The following TTC8 variants were observed in gnomAD, a reference collection of about 807,000 sequenced individuals.
TTC8 encodes tetratricopeptide repeat protein 8.
Under a neutral mutation model 72.5 loss-of-function variants are expected in TTC8, and 47 were observed. The ratio of observed to expected loss-of-function variants is 0.65; its 90% CI spans 0.51 to 0.83. The LOEUF is 0.83. TTC8 is among the 40% of genes least tolerant of loss of function. The pLI, the probability that TTC8 is intolerant of heterozygous loss-of-function variation, is 0.00. For synonymous variants in TTC8, 199 were observed against 221.4 expected, an observed-to-expected ratio of 0.90 and a Z score of 0.90; for missense variants, 611 against 623.2, an observed-to-expected ratio of 0.98 and a Z score of 0.21.
intron 1 of TTC8, among the ~76,000 whole-genome samples, chr14:88,831,859 C>G (rs2094727425): frequency 6.6e-6 from 1 of 152,194 alleles, no homozygotes; most frequent in Non-Finnish European, 1.5e-5. Context: ...TCCCCCTTCT[C>G]TGACTCTCTT....
At chr14:88,839,091 G>A (rs999527877) in intron 2 of TTC8, among the ~76,000 whole-genome samples, 3 of 152,168 alleles carry the variant, frequency 2.0e-5, no homozygotes, top group Non-Finnish European at 4.4e-5. Flanking sequence ...TGACCTTGAA[G>A]GAGGAAGGCA....
chr14:88,861,435 C>A, intron 10 of TTC8, 103 bp downstream of exon 10: 1 of 825,938 alleles, frequency 1.2e-6, no homozygotes, highest in Non-Finnish European at 2.0e-6. Context: ...GTGTAATGAT[C>A]AAATCAGGGT....
chr14:88,851,236 G>T (rs1378123832), intron 7 of TTC8, among the ~76,000 whole-genome samples: 1 of 152,124 alleles, frequency 6.6e-6, no homozygotes, highest in African/African-American at 2.4e-5. Context: ...GAGAAAAAAA[G>T]GTCAGAGTTC....
chr14:88,853,058 TA>T lies in TTC8; in HGVS notation c.710+5del. 6.2e-7 allele frequency: 1 copy of T among 1,609,288 alleles called. No individual in the cohort carries two copies. Among genetic ancestry groups the T allele is most frequent in the Non-Finnish European group, 8.5e-7 (1 of 1,175,972 alleles). On this transcript the variant is annotated splice_donor_region_variant and intron_variant, in intron 8 of 14. Transcript: ENST00000380656. ...ACAGATTGGAAAATGTTACTACAGG[TA>T]AATTTCATTATTTGTGAAGGGCTTA...
chr14:88,830,065 A>G (rs1424088901), intron 1 of TTC8, among the ~76,000 whole-genome samples: 2 of 152,144 alleles, frequency 1.3e-5, no homozygotes, highest in Non-Finnish European at 2.9e-5. Flanking sequence ...CAATTCCTCT[A>G]TTCTCTTAAA....
chr14:88,828,624 AGTTTTT>A (rs2094712517), intron 1 of TTC8, among the ~76,000 whole-genome samples: 2 of 152,078 alleles, frequency 1.3e-5, no homozygotes, highest in Non-Finnish European at 2.9e-5. Context: ...TACAAAAGAT[AGTTTTT>A]GTTTTTAATA....
chr14:88,858,754 ATTTTT>A (rs138871136), intron 9 of TTC8, among the ~76,000 whole-genome samples: 43 of 86,904 alleles, frequency 4.9e-4, no homozygotes, highest in East Asian at 3.2e-3. Context: ...TGCCTGGATA[ATTTTT>A]TTTTTTTTTT....
intron 2 of TTC8, chr14:88,833,974 C>A: frequency 1.5e-5 from 8 of 519,558 alleles, no homozygotes; most frequent in South Asian, 2.3e-5. Context: ...ATGGAAATGA[C>A]CAAGATGGAT....
In TTC8 at chr14:88,848,424, T is replaced by C. The variant is rs549604289; in HGVS notation, c.625-4547T>C. 2.6e-3 allele frequency among the ~76,000 whole-genome samples: 392 copies of C among 152,292 alleles called. 2 individuals are homozygous for C. Among genetic ancestry groups the C allele is most frequent in the African/African-American group, 9.1e-3 (379 of 41,566 alleles). On this transcript the variant is annotated intron_variant, in intron 7 of 14. Transcript: ENST00000380656. Reference sequence around the variant, plus strand: ...AAACAATATGATAATATAGAGCAGATAGCCTTAAAGATAGTTCCTCAATTT... The same window carrying C: ...AAACAATATGATAATATAGAGCAGACAGCCTTAAAGATAGTTCCTCAATTT...
At chr14:88,870,003 A>G in intron 10 of TTC8, 56 bp from the exon 11 acceptor site, 7 of 1,586,860 alleles carry the variant, frequency 4.4e-6, no homozygotes, top group Non-Finnish European at 6.0e-6. Context: ...TCAGAAAAAA[A>G]TAATTTTTTG....
At position 88,841,167 on chromosome 14, in the gene TTC8, T is replaced by A; in HGVS notation, c.460T>A (p.Ser154Thr). The stretch of plus-strand genomic sequence containing the variant: ...CTACACAGCCCGCCCTATCACCAGC[T>A]CCTCCGGAAGATTTGTCAGGCTGGG... ...TAYTARPITS[S>T]SGRFVRLGTA... The change falls in exon 5 of 15, where the codon TCC becomes ACC. Residue 154 changes from serine (S) to threonine (T), a missense_variant. By Grantham distance (58) the Ser-to-Thr change is moderately conservative (BLOSUM62 1). Coordinates refer to ENST00000380656, the MANE Select transcript of TTC8 (RefSeq NM_144596.4). 6.2e-7 allele frequency: 1 copy of A among 1,613,948 alleles called. No individual in the cohort carries two copies. The highest frequency in any genetic ancestry group is 8.5e-7 in the Non-Finnish European group (1 of 1,179,972).
At chr14:88,861,888 G>A (rs1022575649) in intron 10 of TTC8, among the ~76,000 whole-genome samples, 1 of 152,048 alleles carries the variant, frequency 6.6e-6, no homozygotes. Flanking sequence ...TTCATCCACT[G>A]ATGGACACTC....
In TTC8 at chr14:88,833,673, G is replaced by C. The variant is rs767926987; in HGVS notation, c.115-20G>C. On this transcript the variant is annotated intron_variant, in intron 1 of 14. Coordinates refer to ENST00000380656, the MANE Select transcript of TTC8 (RefSeq NM_144596.4). ...ACTGTATTTCTTAAAACTGTTTACT[G>C]CCTTCTTAATGCTTTCCAGGAACCA... 2 of 1,612,458 alleles carry C rather than the reference G, an allele frequency of 1.2e-6. No homozygotes were observed. The highest frequency in any genetic ancestry group is 3.3e-5 in the Admixed American group (2 of 59,990).
At chr14:88,837,235 C>T (rs573093455) in intron 2 of TTC8, among the ~76,000 whole-genome samples, 4 of 152,194 alleles carry the variant, frequency 2.6e-5, no homozygotes, top group African/African-American at 9.6e-5. Context: ...TCATTCTTCA[C>T]CTACACTCAA....
chr14:88,824,402 G>C (rs553983231), upstream of TTC8, among the ~76,000 whole-genome samples: 19 of 152,284 alleles, frequency 1.2e-4, no homozygotes, highest in East Asian at 3.7e-3. Flanking sequence ...GAGGGTGGGG[G>C]ACCCCAGGGG....
At chr14:88,833,565 AGTT>A (rs1043003628) in intron 1 of TTC8, 125 bp from the exon 2 acceptor site, 2 of 770,814 alleles carry the variant, frequency 2.6e-6, no homozygotes, top group African/African-American at 3.5e-5. Context: ...GGAAGACTAA[AGTT>A]AATTTTTTGG....
intron 2 of TTC8, 89 bp from the exon 3 acceptor site, chr14:88,839,362 AT>A (rs2094768640): frequency 1.5e-6 from 2 of 1,365,726 alleles, no homozygotes; most frequent in African/African-American, 2.9e-5. Flanking sequence ...ATAAAATGAA[AT>A]AACAACAATG....
At chr14:88,879,696 T>TATTATTATG (rs1393187579), downstream of TTC8, 1 of 125,272 alleles carries the variant, frequency 8.0e-6, no homozygotes, top group East Asian at 2.3e-4. Context: ...TTATTATTAT[T>TATTATTATG]ATGACAGTCT....
At chr14:88,859,374 G>A (rs1595969092) in intron 9 of TTC8, among the ~76,000 whole-genome samples, 2 of 152,210 alleles carry the variant, frequency 1.3e-5, no homozygotes, top group East Asian at 3.9e-4. Context: ...CAGGAACATG[G>A]ATGGAGCTGG....
Sources: allele counts gnomAD v4.1 joint callset (sites outside exome capture counted in the v4.1 genomes callset), GRCh38; gene constraint gnomAD v4.1.1; transcripts MANE v1.5; gene names NCBI Gene and HGNC (gene_info 2026-07-23, HGNC 2026-07-21).